The following RASGRP2 variants were observed in gnomAD, a reference collection of about 807,000 sequenced individuals.
RASGRP2 encodes the protein RAS guanyl releasing protein 2, also known as RAS guanyl-releasing protein 2.
RASGRP2 carries 44 observed loss-of-function variants against 71.0 expected under a neutral mutation model. That is an observed-to-expected ratio of 0.62 (90% CI 0.49 to 0.80). The LOEUF is 0.80. RASGRP2 is among the 30% of genes least tolerant of loss of function. RASGRP2 has a pLI of 0.00. For missense variants in RASGRP2, 663 were observed against 813.4 expected (o/e 0.82, Z 2.25); for synonymous variants, 350 against 330.7 (o/e 1.06, Z -0.63).
At position 64,742,454 on chromosome 11, in the gene RASGRP2, A is replaced by T; in HGVS notation, c.73+340T>A. On this transcript the variant is annotated intron_variant, in intron 2 of 16. Transcript: ENST00000394432. This position sits in a 1 kb window ranked among gnomAD's most constrained non-coding sequence, Gnocchi z 4.7. ...GGAAGGGGCACCCCTTCACCAGATA[A>T]GCCGCCCCCCATTAGCCGGAAACAG... 5 of 559,956 alleles carry T rather than the reference A, an allele frequency of 8.9e-6. No homozygotes were observed. Among genetic ancestry groups the T allele is most frequent in the Non-Finnish European group, 1.3e-5 (4 of 311,646 alleles). The allele number at this position is 559,956 out of a possible 1,614,324, so 34.7% of individuals were successfully genotyped here.
In RASGRP2 at chr11:64,743,961, C is replaced by T; in HGVS notation, c.-72+42G>A. ...TCTCTCACACACAATGGCACCCACA[C>T]CCTGTGCACACCTGCACGAAGAAAC... On this transcript the variant is annotated intron_variant, in intron 1 of 16. Transcript: ENST00000394432. This position sits in a 1 kb window ranked among gnomAD's most constrained non-coding sequence, Gnocchi z 4.9. 1.0e-6 allele frequency: 1 copy of T among 999,410 alleles called. No individual in the cohort carries two copies. The highest frequency in any genetic ancestry group is 1.2e-6 in the Non-Finnish European group (1 of 836,758). The allele number at this position is 999,410 out of a possible 1,614,324, so 61.9% of individuals were successfully genotyped here.
chr11:64,735,352 C>A lies in RASGRP2; in HGVS notation c.1297-125G>T. ...TGTCTCAGAGAGGTCTCTGACACCA[C>A]CCCCGTTCCATACCTCCACCCCCAC... On this transcript the variant is annotated intron_variant, in intron 11 of 16. Transcript: ENST00000394432. This position sits in a 1 kb window ranked among gnomAD's most constrained non-coding sequence, Gnocchi z 4.2. 3 of 1,272,824 alleles carry A rather than the reference C, an allele frequency of 2.4e-6. No individual in the cohort carries two copies. The highest frequency in any genetic ancestry group is 3.4e-6 in the Non-Finnish European group (3 of 883,102). 78.8% of individuals were successfully genotyped at this position (1,272,824 alleles called of 1,614,324 possible). A position where few individuals can be genotyped will look rare whatever the true frequency, so the allele number is the denominator to read the frequency against.
chr11:64,742,343 T>C lies in RASGRP2; in HGVS notation c.74-231A>G, dbSNP rs556256656. Among the ~76,000 whole-genome samples the C allele has an allele frequency of 6.6e-6, 1 of 151,984 alleles. No homozygotes were observed. On this transcript the variant is annotated intron_variant, in intron 2 of 16. Coordinates refer to ENST00000394432, the MANE Select transcript of RASGRP2 (RefSeq NM_001098671.2). The surrounding 1 kb of genome is among the most constrained non-coding windows in gnomAD (Gnocchi z 4.7). Reference sequence around the variant, plus strand: ...AGGAGGGGAGCGCCCGAGCCGCCCATCGTCCGGAGGGGAACCAGCTGGGGC... The same window carrying C: ...AGGAGGGGAGCGCCCGAGCCGCCCACCGTCCGGAGGGGAACCAGCTGGGGC...
At chr11:64,736,372 C>T (rs556916715) in intron 9 of RASGRP2, among the ~76,000 whole-genome samples, 49 of 152,118 alleles carry the variant, frequency 3.2e-4, no homozygotes, top group African/African-American at 1.1e-3. Flanking sequence ...AACTCCCACC[C>T]TAGACCCCAA....
At chr11:64,737,532 T>C (rs561478863) in intron 8 of RASGRP2, among the ~76,000 whole-genome samples, 2 of 150,934 alleles carry the variant, frequency 1.3e-5, no homozygotes, top group South Asian at 4.2e-4. Flanking sequence ...ATTAGCCGGG[T>C]GTGGTGGTGC....
In RASGRP2 at chr11:64,735,114, G is replaced by A; in HGVS notation, c.1410C>T (p.Asn470=). ...YLSAFGDLDQ[N]QDGCISREEM... ...CCCAGGTCCCCAGCCCTCCTCACTGGTTCTGGTCGAGGTCCCCAAAGGCGC... is the reference window on the plus strand; with the variant it reads ...CCCAGGTCCCCAGCCCTCCTCACTGATTCTGGTCGAGGTCCCCAAAGGCGC... The change falls in exon 12 of 17, where the codon AAC becomes AAT. Residue 470 remains asparagine (N), a splice_region_variant and synonymous_variant. Transcript: ENST00000394432. The surrounding 1 kb of genome is among the most constrained non-coding windows in gnomAD (Gnocchi z 4.2). 1.2e-6 allele frequency: 2 copies of A among 1,612,530 alleles called. No individual in the cohort carries two copies. The highest frequency in any genetic ancestry group is 1.7e-6 in the Non-Finnish European group (2 of 1,178,534).
At chr11:64,729,958 GAGAA>G (rs926966070) in intron 13 of RASGRP2, 91 bp downstream of exon 13, 10 of 1,529,648 alleles carry the variant, frequency 6.5e-6, no homozygotes, top group Non-Finnish European at 8.8e-6. Flanking sequence ...TTCCTGGCTT[GAGAA>G]GGGCTCTGGC....
intron 8 of RASGRP2, 87 bp from the exon 9 acceptor site, chr11:64,737,121 C>T (rs1186676985): frequency 2.6e-6 from 4 of 1,524,916 alleles, no homozygotes; most frequent in African/African-American, 1.4e-5. Context: ...GAGGAGGAGT[C>T]AGGGTCAGGG....
upstream of RASGRP2, chr11:64,744,787 ACCT>A (rs1253153356): frequency 7.1e-6 from 1 of 140,526 alleles, no homozygotes; most frequent in South Asian, 2.0e-4. Context: ...GGCCGACCCC[ACCT>A]CCGTGCGCTC....
chr11:64,742,456 CCG>C lies in RASGRP2; in HGVS notation c.73+336_73+337del. On this transcript the variant is annotated intron_variant, in intron 2 of 16. Coordinates refer to ENST00000394432, the MANE Select transcript of RASGRP2 (RefSeq NM_001098671.2). This position sits in a 1 kb window ranked among gnomAD's most constrained non-coding sequence, Gnocchi z 4.7. ...AAGGGGCACCCCTTCACCAGATAAG[CCG>C]CCCCCCATTAGCCGGAAACAGCTCC... The C allele has an allele frequency of 1.8e-6, 1 of 560,986 alleles. No individual in the cohort carries two copies. The highest frequency in any genetic ancestry group is 3.1e-5 in the East Asian group (1 of 32,774). The allele number at this position is 560,986 out of a possible 1,614,324, so 34.8% of individuals were successfully genotyped here. A position where few individuals can be genotyped will look rare whatever the true frequency, so the allele number is the denominator to read the frequency against.
In RASGRP2 at chr11:64,742,426, G is replaced by T. The variant is rs866823306; in HGVS notation, c.74-314C>A. 7.5e-5 allele frequency: 42 copies of T among 563,696 alleles called. No homozygotes were observed. The highest frequency in any genetic ancestry group is 6.8e-4 in the African/African-American group (36 of 53,084). 34.9% of individuals were successfully genotyped at this position (563,696 alleles called of 1,614,324 possible). A position where few individuals can be genotyped will look rare whatever the true frequency, so the allele number is the denominator to read the frequency against. On this transcript the variant is annotated intron_variant, in intron 2 of 16. Transcript: ENST00000394432. This position sits in a 1 kb window ranked among gnomAD's most constrained non-coding sequence, Gnocchi z 4.7. Reference sequence around the variant, plus strand: ...CCAGAGGTCATTTCCTGAGCGCTTGGGGGGAAGGGGCACCCCTTCACCAGA... The same window carrying T: ...CCAGAGGTCATTTCCTGAGCGCTTGTGGGGAAGGGGCACCCCTTCACCAGA...
chr11:64,735,607 T>A lies in RASGRP2; in HGVS notation c.1231A>T (p.Thr411Ser). The A allele has an allele frequency of 6.2e-7, 1 of 1,614,000 alleles. No individual in the cohort carries two copies. The highest frequency in any genetic ancestry group is 8.5e-7 in the Non-Finnish European group (1 of 1,179,974). The change falls in exon 11 of 17, where the codon ACC becomes TCC. Residue 411 changes from threonine (T) to serine (S), a missense_variant. By Grantham distance (58) the Thr-to-Ser change is moderately conservative. Transcript: ENST00000394432. The surrounding 1 kb of genome is among the most constrained non-coding windows in gnomAD (Gnocchi z 4.2). Reference sequence around the variant, plus strand: ...TCCAGCTTGGGTTTGGCAGCCGAGGTCCACTCCTCCAGTACCGGGGGCCGG... The same window carrying A: ...TCCAGCTTGGGTTTGGCAGCCGAGGACCACTCCTCCAGTACCGGGGGCCGG... ...PPRPPVLEEW[T>S]SAAKPKLDQA...
chr11:64,729,803 A>C lies in RASGRP2; in HGVS notation c.1555-5T>G. ...CTGCTTGTAGATGCCCAGGATCTGCAATAGAGGAGGGGCCGTGGTGGGAGG... is the reference window on the plus strand; with the variant it reads ...CTGCTTGTAGATGCCCAGGATCTGCCATAGAGGAGGGGCCGTGGTGGGAGG... On this transcript the variant is annotated splice_region_variant and splice_polypyrimidine_tract_variant and intron_variant, in intron 13 of 16. Coordinates refer to ENST00000394432, the MANE Select transcript of RASGRP2 (RefSeq NM_001098671.2). 1 of 1,614,070 alleles carries C rather than the reference A, an allele frequency of 6.2e-7. No homozygotes were observed. Among genetic ancestry groups the C allele is most frequent in the Non-Finnish European group, 8.5e-7 (1 of 1,179,962 alleles).
rs1190973943 is a variant in RASGRP2 at position 64,730,145 on chromosome 11, T to C, written c.1462A>G (p.Ser488Gly). The C allele has an allele frequency of 1.9e-6, 3 of 1,551,562 alleles. No individual in the cohort carries two copies. Among genetic ancestry groups the C allele is most frequent in the South Asian group, 2.4e-5 (2 of 84,064 alleles). Residue 488 changes from serine (S) to glycine (G), a missense_variant, in exon 13 of 17, where the codon AGC becomes GGC. Ser to Gly is a moderately conservative substitution (Grantham distance 56, BLOSUM62 0). Transcript: ENST00000394432. ...EEMVSYFLRS[S>G]SVLGGRMGFV... is the part of the protein sequence containing the mutation. ...CCCATGCGCCCCCCCAACACAGAGCTGGAGCGCAGGAAATAGGAAACCATC... is the reference window on the plus strand; with the variant it reads ...CCCATGCGCCCCCCCAACACAGAGCCGGAGCGCAGGAAATAGGAAACCATC...
Position 64,736,887 on chromosome 11 carries a change from A to C in RASGRP2, c.961T>G (p.Trp321Gly). Residue 321 changes from tryptophan to glycine, a missense_variant, in exon 9 of 17, where the codon TGG becomes GGG. Trp to Gly is a radical substitution (Grantham distance 184). Coordinates refer to ENST00000394432, the MANE Select transcript of RASGRP2 (RefSeq NM_001098671.2). ...AGCCGGGTCCGGGCTGGGTCCAGCC[A>C]GTCAGGCAGTGCCAGCTGCAGGGCC... ...LVALQLALPD[W>G]LDPARTRLNG... 1 of 1,613,906 alleles carries C rather than the reference A, an allele frequency of 6.2e-7. No individual in the cohort carries two copies. Among genetic ancestry groups the C allele is most frequent in the Non-Finnish European group, 8.5e-7 (1 of 1,180,030 alleles).
intron 12 of RASGRP2, among the ~76,000 whole-genome samples, chr11:64,733,395 AACACACACAC>A (rs4014428): frequency 0.14 from 16,915 of 124,804 alleles, 1,318 homozygotes; most frequent in East Asian, 0.3. Flanking sequence ...CCCCCTCACC[AACACACACAC>A]ACACACACAC....
At chr11:64,741,197 G>A in intron 4 of RASGRP2, 118 bp from the exon 5 acceptor site, 1 of 1,346,812 alleles carries the variant, frequency 7.4e-7, no homozygotes. Flanking sequence ...TATGGTTCCA[G>A]CTCTTTCCTT....
In RASGRP2 at chr11:64,736,912, C is replaced by G; in HGVS notation, c.936G>C (p.Val312=). The G allele has an allele frequency of 6.2e-7, 1 of 1,613,954 alleles. No individual in the cohort carries two copies. Among genetic ancestry groups the G allele is most frequent in the Non-Finnish European group, 8.5e-7 (1 of 1,180,042 alleles). Residue 312 remains valine (V), a synonymous_variant, in exon 9 of 17, where the codon GTG becomes GTC. Coordinates refer to ENST00000394432, the MANE Select transcript of RASGRP2 (RefSeq NM_001098671.2). ...AGTCAGGCAGTGCCAGCTGCAGGGCCACCAGGTCCTTGAGGTGCACACCCA... is the reference window on the plus strand; with the variant it reads ...AGTCAGGCAGTGCCAGCTGCAGGGCGACCAGGTCCTTGAGGTGCACACCCA... ...PILGVHLKDL[V]ALQLALPDWL...
intron 4 of RASGRP2, 110 bp from the exon 5 acceptor site, chr11:64,741,189 T>G: frequency 7.2e-7 from 1 of 1,382,864 alleles, no homozygotes; most frequent in Non-Finnish European, 1.0e-6. Context: ...CCTCAAACTA[T>G]GGTTCCAGCT....
Sources: allele counts gnomAD v4.1 joint callset (sites outside exome capture counted in the v4.1 genomes callset), GRCh38; gene constraint gnomAD v4.1.1; non-coding constraint Gnocchi (gnomAD v3.1); transcripts MANE v1.5; gene names NCBI Gene and HGNC (gene_info 2026-07-23, HGNC 2026-07-21).